TSPAN5: variants seen among roughly 807,000 people sequenced by gnomAD.
TSPAN5 encodes tetraspanin-5.
In TSPAN5, 10 loss-of-function variants were observed where a neutral mutation model predicts 37.1. The ratio of observed to expected loss-of-function variants is 0.27; its 90% CI spans 0.17 to 0.46. The LOEUF (loss-of-function observed/expected upper bound fraction) is 0.46. Ranked by LOEUF, TSPAN5 falls within the 20% of genes least tolerant of loss-of-function variation. The pLI is 1.00. For missense variants in TSPAN5, 195 were observed against 326.6 expected (o/e 0.60, Z 3.11); for synonymous variants, 110 against 118.9 (o/e 0.93, Z 0.48).
intron 1 of TSPAN5, among the ~76,000 whole-genome samples, chr4:98,540,343 CTTTT>C (rs879675525): frequency 6.8e-6 from 1 of 146,626 alleles, no homozygotes; most frequent in African/African-American, 2.5e-5. Context: ...TTCCCTCTTC[CTTTT>C]TTTTTTTGAG....
chr4:98,531,699 T>G (rs1295928830), intron 1 of TSPAN5, among the ~76,000 whole-genome samples: 1 of 152,212 alleles, frequency 6.6e-6, no homozygotes, highest in African/African-American at 2.4e-5. Context: ...AAAGCATTCC[T>G]GTTTCTCCAC....
At chr4:98,560,696 C>G (rs1172235275) in intron 1 of TSPAN5, among the ~76,000 whole-genome samples, 1 of 152,124 alleles carries the variant, frequency 6.6e-6, no homozygotes, top group African/African-American at 2.4e-5. Context: ...AAATGCTGTG[C>G]CATCATGACA....
At chr4:98,625,465 C>T (rs940610151) in intron 1 of TSPAN5, among the ~76,000 whole-genome samples, 1 of 152,172 alleles carries the variant, frequency 6.6e-6, no homozygotes, top group African/African-American at 2.4e-5. Context: ...TTTTCATGTT[C>T]AACTCAAGAT....
intron 1 of TSPAN5, chr4:98,574,486 T>C (rs1362287187): frequency 6.6e-6 from 1 of 152,230 alleles, no homozygotes; most frequent in East Asian, 1.9e-4. Context: ...CAATGAATGT[T>C]TCCAGTCTAA....
At chr4:98,526,698 C>T (rs748863226) in intron 1 of TSPAN5, among the ~76,000 whole-genome samples, 2 of 148,756 alleles carry the variant, frequency 1.3e-5, no homozygotes, top group Non-Finnish European at 3.0e-5. Flanking sequence ...TGAGGGGGTA[C>T]AGGTCTCAAG....
At position 98,476,641 on chromosome 4, in the gene TSPAN5, G is replaced by A. The variant is rs373133378; in HGVS notation, c.577-181C>T. On this transcript the variant is annotated intron_variant, in intron 5 of 7. Coordinates refer to ENST00000305798, the MANE Select transcript of TSPAN5 (RefSeq NM_005723.4). ...CATGTCATTATTGCGACAATCTTCA[G>A]AAGTAGGTATTAAAATATGCCCTAT... Among the ~76,000 whole-genome samples the A allele has an allele frequency of 1.2e-3, 176 of 152,272 alleles. 1 individual carries two copies. The South Asian group carries it at 0.018, about 15-fold the overall frequency.
chr4:98,658,460 G>A lies in TSPAN5; in HGVS notation c.-234C>T, dbSNP rs1757340658. 3.5e-6 allele frequency: 1 copy of A among 287,558 alleles called. No individual in the cohort carries two copies. Among genetic ancestry groups the A allele is most frequent in the African/African-American group, 2.2e-5 (1 of 44,932 alleles). 17.8% of individuals were successfully genotyped at this position (287,558 alleles called of 1,614,324 possible). On this transcript the variant is annotated 5_prime_UTR_variant, in exon 1 of 8. Transcript: ENST00000305798. ...GGGGTGGCCGCGAGAAAGCAGGGAA[G>A]CCGCGCGCTGCAAGCTCAAGCCTCG...
rs1022514015 is a variant in TSPAN5 at position 98,520,254 on chromosome 4, C to T, written c.82-12526G>A. ...TAAGTAGGGGAAGGGGCCAGCTCTA[C>T]TAAGCAAAGGGGTGGCAACAGTGGA... is the stretch of plus-strand genomic sequence containing the variant. On this transcript the variant is annotated intron_variant, in intron 1 of 7. Transcript: ENST00000305798. Among the ~76,000 whole-genome samples the T allele has an allele frequency of 2.0e-5, 3 of 152,164 alleles. 1 individual carries two copies. Among genetic ancestry groups the T allele is most frequent in the Non-Finnish European group, 4.4e-5 (3 of 68,032 alleles).
intron 1 of TSPAN5, among the ~76,000 whole-genome samples, chr4:98,610,177 C>A (rs1452945876): frequency 6.6e-6 from 1 of 152,174 alleles, no homozygotes; most frequent in Non-Finnish European, 1.5e-5. Context: ...GAGGAGCTGG[C>A]ATTTGCAAAG....
At chr4:98,545,394 G>C (rs1439111864) in intron 1 of TSPAN5, among the ~76,000 whole-genome samples, 1 of 152,222 alleles carries the variant, frequency 6.6e-6, no homozygotes, top group Non-Finnish European at 1.5e-5. Context: ...GAGCCAGTTT[G>C]ATTGGGGTTT....
intron 1 of TSPAN5, among the ~76,000 whole-genome samples, chr4:98,582,628 C>A (rs1755395498): frequency 6.6e-6 from 1 of 152,204 alleles, no homozygotes; most frequent in African/African-American, 2.4e-5. Context: ...GCAAATAAGT[C>A]TGCAGAACAA....
intron 1 of TSPAN5, among the ~76,000 whole-genome samples, chr4:98,616,832 A>G (rs2110241927): frequency 6.6e-6 from 1 of 151,718 alleles, no homozygotes; most frequent in South Asian, 2.1e-4. Flanking sequence ...CAATTTCCAA[A>G]TTCTTGAATA....
At chr4:98,500,604 A>G (rs1220744791) in intron 2 of TSPAN5, among the ~76,000 whole-genome samples, 1 of 152,230 alleles carries the variant, frequency 6.6e-6, no homozygotes, top group African/African-American at 2.4e-5. Context: ...TTCCCCACCT[A>G]TGAAATAGAA....
Position 98,472,508 on chromosome 4 carries a change from CG to C in TSPAN5, c.*13del. ...GGGTCTGTCCAGTGTCTTGCAGCAGCGGTTGCAGGGGGTCTACCAGCTCGCC... is the reference window on the plus strand; with the variant it reads ...GGGTCTGTCCAGTGTCTTGCAGCAGCGTTGCAGGGGGTCTACCAGCTCGCC... On this transcript the variant is annotated 3_prime_UTR_variant, in exon 8 of 8. Coordinates refer to ENST00000305798, the MANE Select transcript of TSPAN5 (RefSeq NM_005723.4). 6.2e-7 allele frequency: 1 copy of C among 1,613,390 alleles called. No homozygotes were observed. Among genetic ancestry groups the C allele is most frequent in the Non-Finnish European group, 8.5e-7 (1 of 1,179,608 alleles).
At chr4:98,544,300 G>A (rs758408046) in intron 1 of TSPAN5, among the ~76,000 whole-genome samples, 1 of 152,144 alleles carries the variant, frequency 6.6e-6, no homozygotes, top group Non-Finnish European at 1.5e-5. Flanking sequence ...CAATTTCACT[G>A]GCTCCAGACC....
chr4:98,592,632 T>A lies in TSPAN5; in HGVS notation c.81+65514A>T, dbSNP rs886286368. ...CCCCAGAGTGTGATATTCCCCTTCCTGTGTCCATGTGATCTCATTGTTCAA... is the reference window on the plus strand; with the variant it reads ...CCCCAGAGTGTGATATTCCCCTTCCAGTGTCCATGTGATCTCATTGTTCAA... On this transcript the variant is annotated intron_variant, in intron 1 of 7. Transcript: ENST00000305798. Among the ~76,000 whole-genome samples, 21 of 127,724 alleles carry A rather than the reference T, an allele frequency of 1.6e-4. No individual in the cohort carries two copies. In the East Asian group the frequency reaches 4.9e-3, roughly 30 times the overall value. 83.8% of individuals were successfully genotyped at this position (127,724 alleles called of 152,430 possible). A position where few individuals can be genotyped will look rare whatever the true frequency, so the allele number is the denominator to read the frequency against.
chr4:98,539,350 CCTTAT>C (rs757267505), intron 1 of TSPAN5, among the ~76,000 whole-genome samples: 3 of 152,108 alleles, frequency 2.0e-5, no homozygotes, highest in Non-Finnish European at 4.4e-5. Context: ...ATCCTAAACT[CCTTAT>C]CTTTTCTCAG....
At chr4:98,476,105 G>A (rs1752689619) in intron 7 of TSPAN5, 84 bp downstream of exon 7, 3 of 1,042,728 alleles carry the variant, frequency 2.9e-6, no homozygotes, top group East Asian at 4.7e-5. Flanking sequence ...GACAATCAAG[G>A]TTTTTAAGCA....
chr4:98,601,596 T>C (rs1755883329), intron 1 of TSPAN5, among the ~76,000 whole-genome samples: 1 of 152,252 alleles, frequency 6.6e-6, no homozygotes, highest in Admixed American at 6.5e-5. Context: ...AGCCTTGCTC[T>C]GGATTAGGCT....
Sources: gnomAD v4.1 joint callset for allele counts (sites outside exome capture counted in the v4.1 genomes callset) on GRCh38, gnomAD v4.1.1 for gene constraint, MANE v1.5 for transcripts, NCBI Gene and HGNC (gene_info 2026-07-23, HGNC 2026-07-21) for gene names.